The following TNFAIP8L3 variants were observed in gnomAD, a reference collection of about 807,000 sequenced individuals.
The protein encoded by TNFAIP8L3 is tumor necrosis factor alpha-induced protein 8-like protein 3.
Under a neutral mutation model 11.8 loss-of-function variants are expected in TNFAIP8L3, and 7 were observed. The ratio of observed to expected loss-of-function variants is 0.59; its 90% CI spans 0.34 to 1.11. The LOEUF (loss-of-function observed/expected upper bound fraction) is 1.11. Among genes scored for constraint, TNFAIP8L3 ranks in the 50% most tolerant of loss-of-function variants. The probability of loss-of-function intolerance (pLI) is 0.03; values close to 1 mark genes in which losing one functional copy is unlikely to be tolerated. For missense variants in TNFAIP8L3, 219 were observed against 258.6 expected (o/e 0.85, Z 1.05); for synonymous variants, 98 against 103.8 (o/e 0.94, Z 0.34).
At chr15:51,081,803 G>A (rs1431948297) in intron 1 of TNFAIP8L3, among the ~76,000 whole-genome samples, 1 of 152,166 alleles carries the variant, frequency 6.6e-6, no homozygotes, top group Non-Finnish European at 1.5e-5. Context: ...AGCAGCCCTT[G>A]TGCTTACCAC....
intron 1 of TNFAIP8L3, among the ~76,000 whole-genome samples, chr15:51,080,444 C>T (rs2065382864): frequency 6.6e-6 from 1 of 152,092 alleles, no homozygotes; most frequent in Non-Finnish European, 1.5e-5. Flanking sequence ...TCTCTGGCAG[C>T]CCTCTGTCCC....
At chr15:51,078,740 C>T (rs1024043765) in intron 1 of TNFAIP8L3, among the ~76,000 whole-genome samples, 7 of 152,140 alleles carry the variant, frequency 4.6e-5, no homozygotes, top group Middle Eastern at 6.8e-3. Flanking sequence ...ACTCTGCCAC[C>T]GGCCTGTGTC....
At chr15:51,093,002 A>G (rs758687177) in intron 1 of TNFAIP8L3, among the ~76,000 whole-genome samples, 3 of 152,212 alleles carry the variant, frequency 2.0e-5, no homozygotes, top group Non-Finnish European at 4.4e-5. Context: ...CGTCAGGGTC[A>G]ATGTCCCCTT....
intron 1 of TNFAIP8L3, among the ~76,000 whole-genome samples, chr15:51,093,751 T>A (rs1333007733): frequency 6.6e-6 from 1 of 151,770 alleles, no homozygotes; most frequent in Non-Finnish European, 1.5e-5. Flanking sequence ...CCGGTGGAGG[T>A]GGGCAGAGAC....
chr15:51,063,580 A>C (rs1261019116), intron 1 of TNFAIP8L3, among the ~76,000 whole-genome samples: 1 of 152,220 alleles, frequency 6.6e-6, no homozygotes, highest in Non-Finnish European at 1.5e-5. Flanking sequence ...TTTTAATTCT[A>C]GAGCCAACCT....
At chr15:51,063,099 C>G (rs924322376) in intron 1 of TNFAIP8L3, among the ~76,000 whole-genome samples, 32 of 152,112 alleles carry the variant, frequency 2.1e-4, no homozygotes, top group African/African-American at 7.5e-4. Flanking sequence ...AAATGGAGCT[C>G]CTGCCAGCAC....
intron 1 of TNFAIP8L3, among the ~76,000 whole-genome samples, chr15:51,084,720 T>C (rs2140977172): frequency 6.6e-6 from 1 of 152,250 alleles, no homozygotes; most frequent in East Asian, 1.9e-4. Flanking sequence ...GGGTGTCTCC[T>C]AAACAGTGAG....
At chr15:51,087,524 T>TC (rs2065438157) in intron 1 of TNFAIP8L3, among the ~76,000 whole-genome samples, 1 of 152,200 alleles carries the variant, frequency 6.6e-6, no homozygotes, top group South Asian at 2.1e-4. Flanking sequence ...CTAACATGCT[T>TC]CCTTTCATGG....
At chr15:51,078,452 G>A (rs2065370093) in intron 1 of TNFAIP8L3, among the ~76,000 whole-genome samples, 1 of 151,952 alleles carries the variant, frequency 6.6e-6, no homozygotes, top group Admixed American at 6.6e-5. Context: ...CACCTCTTCT[G>A]GCCCTCCTTA....
At chr15:51,065,067 G>A (rs2065261776) in intron 1 of TNFAIP8L3, among the ~76,000 whole-genome samples, 1 of 152,206 alleles carries the variant, frequency 6.6e-6, no homozygotes, top group Non-Finnish European at 1.5e-5. Context: ...GTAATGGATT[G>A]TTTATAGTAC....
At chr15:51,092,190 G>A (rs2065476303) in intron 1 of TNFAIP8L3, among the ~76,000 whole-genome samples, 1 of 152,160 alleles carries the variant, frequency 6.6e-6, no homozygotes, top group Non-Finnish European at 1.5e-5. Context: ...CAGCCCTTAT[G>A]TCTCAACTCC....
At chr15:51,088,386 T>C (rs1230098034) in intron 1 of TNFAIP8L3, among the ~76,000 whole-genome samples, 1 of 152,212 alleles carries the variant, frequency 6.6e-6, no homozygotes, top group Non-Finnish European at 1.5e-5. Flanking sequence ...GAATTCCAAA[T>C]CACATTGCCC....
intron 1 of TNFAIP8L3, among the ~76,000 whole-genome samples, chr15:51,063,026 T>C (rs2065250220): frequency 6.6e-6 from 1 of 152,124 alleles, no homozygotes; most frequent in Non-Finnish European, 1.5e-5. Flanking sequence ...AAGGAATGTG[T>C]CCTGTAGAAG....
intron 1 of TNFAIP8L3, among the ~76,000 whole-genome samples, chr15:51,074,285 A>G (rs1567290506): frequency 6.6e-6 from 1 of 152,230 alleles, no homozygotes; most frequent in Non-Finnish European, 1.5e-5. Context: ...CGACATTCTG[A>G]GGATATCTTT....
Position 51,057,679 on chromosome 15 carries a change from T to G in TNFAIP8L3, c.*202A>C. The G allele has an allele frequency of 1.8e-6, 1 of 546,308 alleles. No individual in the cohort carries two copies. Among genetic ancestry groups the G allele is most frequent in the Non-Finnish European group, 3.2e-6 (1 of 316,982 alleles). The allele number at this position is 546,308 out of a possible 1,614,324, so 33.8% of individuals were successfully genotyped here. ...TCCTTTGGGCTTGCACACAGGTGAT[T>G]TTAAGTAGAAACCTTGCTAGAAAGC... On this transcript the variant is annotated 3_prime_UTR_variant, in exon 2 of 2. Coordinates refer to ENST00000637513, the MANE Select transcript of TNFAIP8L3 (RefSeq NM_001311175.2).
rs145103036 is a variant in TNFAIP8L3, at chr15:51,058,170, C to T, written c.326G>A (p.Arg109Gln). 1.8e-4 allele frequency: 293 copies of T among 1,614,190 alleles called. No homozygotes were observed. The African/African-American group carries it at 2.5e-3, about 14-fold the overall frequency. ...QEELVIVEKF[R>Q]KKLNQTAMTI... ...CATGGCGGTCTGGTTCAGCTTCTTC[C>T]GGAACTTCTCCACAATAACCAGCTC... The change falls in exon 2 of 2, where the codon CGG becomes CAG. Residue 109 changes from arginine (R) to glutamine (Q), a missense_variant. By Grantham distance (43) the Arg-to-Gln change is conservative (BLOSUM62 1). Transcript: ENST00000637513.
intron 1 of TNFAIP8L3, among the ~76,000 whole-genome samples, chr15:51,086,913 C>T (rs1385057126): frequency 1.3e-5 from 2 of 148,778 alleles, no homozygotes; most frequent in Admixed American, 1.3e-4. Flanking sequence ...TTTTTGGAGT[C>T]AGAGTCTCTC....
upstream of TNFAIP8L3, among the ~76,000 whole-genome samples, chr15:51,096,367 A>G (rs2065513824): frequency 6.6e-6 from 1 of 152,224 alleles, no homozygotes; most frequent in Non-Finnish European, 1.5e-5. Flanking sequence ...AAAGAGCCCC[A>G]CAGTGGATGT....
chr15:51,093,346 C>CT (rs2065486576), intron 1 of TNFAIP8L3, among the ~76,000 whole-genome samples: 1 of 152,228 alleles, frequency 6.6e-6, no homozygotes, highest in African/African-American at 2.4e-5. Flanking sequence ...TGGCTACTCC[C>CT]TGGCTGTGAG....
Sources: allele counts gnomAD v4.1 joint callset (sites outside exome capture counted in the v4.1 genomes callset), GRCh38; gene constraint gnomAD v4.1.1; transcripts MANE v1.5; gene names NCBI Gene and HGNC (gene_info 2026-07-23, HGNC 2026-07-21).